TBC1D5: variants seen among roughly 807,000 people sequenced by gnomAD.
TBC1D5 encodes TBC1 domain family, member 5.
TBC1D5 carries 75 observed loss-of-function variants against 100.3 expected under a neutral mutation model. The observed-to-expected ratio is 0.75, with a 90% CI of 0.62 to 0.91. TBC1D5 has a LOEUF of 0.91. Among genes scored for constraint, TBC1D5 ranks in the 40% least tolerant of loss-of-function variants. The probability of loss-of-function intolerance (pLI) is 0.00; values close to 1 mark genes in which losing one functional copy is unlikely to be tolerated. For synonymous variants in TBC1D5, 323 were observed against 325.6 expected (o/e 0.99, Z 0.09); for missense variants, 910 against 942.4 (o/e 0.97, Z 0.45).
intron 17 of TBC1D5, among the ~76,000 whole-genome samples, chr3:17,225,419 A>G (rs1421968503): frequency 6.8e-6 from 1 of 146,380 alleles, no homozygotes; most frequent in Non-Finnish European, 1.5e-5. Context: ...AGTCTGGGCG[A>G]TAAGAGTGAG....
intron 15 of TBC1D5, among the ~76,000 whole-genome samples, chr3:17,261,845 GTTTT>G (rs34656348): frequency 2.8e-5 from 4 of 143,320 alleles, no homozygotes; most frequent in Non-Finnish European, 3.1e-5. Flanking sequence ...TCTTAAAGGA[GTTTT>G]TTTTTTTTTT....
chr3:17,718,818 T>C (rs1053916212), intron 1 of TBC1D5, among the ~76,000 whole-genome samples: 1 of 152,062 alleles, frequency 6.6e-6, no homozygotes, highest in Admixed American at 6.5e-5. Context: ...TTAATAAATA[T>C]ATACAAAATA....
In TBC1D5 at chr3:17,508,339, A is replaced by C. The variant is rs970436172; in HGVS notation, c.97+135T>G. The C allele has an allele frequency of 4.7e-6, 3 of 641,830 alleles. No individual in the cohort carries two copies. In the African/African-American group the frequency reaches 5.4e-5, roughly 12 times the overall value. The allele number at this position is 641,830 out of a possible 1,614,324, so 39.8% of individuals were successfully genotyped here. Reference sequence around the variant, plus strand: ...CAAGAGTGCTCTGTACATATCCAGAATAACATACTTAACACTGGCCTGCTC... The same window carrying C: ...CAAGAGTGCTCTGTACATATCCAGACTAACATACTTAACACTGGCCTGCTC... On this transcript the variant is annotated intron_variant, in intron 3 of 21. Transcript: ENST00000253692.
chr3:17,483,436 ATTACT>A (rs2095523600), intron 3 of TBC1D5, among the ~76,000 whole-genome samples: 1 of 152,162 alleles, frequency 6.6e-6, no homozygotes, highest in African/African-American at 2.4e-5. Context: ...GCTCAAATCA[ATTACT>A]TTTTAGGGGT....
Position 17,308,146 on chromosome 3 carries a change from C to A in TBC1D5, c.996-12G>T. ...GCCGCACCCACCTTCTGGAAAGAAA[C>A]AAAACAAAAATTCAGAAGACAGTAC... On this transcript the variant is annotated splice_polypyrimidine_tract_variant and intron_variant, in intron 13 of 21. Transcript: ENST00000253692. 1 of 1,561,248 alleles carries A rather than the reference C, an allele frequency of 6.4e-7. No homozygotes were observed. The highest frequency in any genetic ancestry group is 8.6e-7 in the Non-Finnish European group (1 of 1,164,590).
chr3:17,616,450 C>T (rs1577041088), intron 2 of TBC1D5, among the ~76,000 whole-genome samples: 3 of 151,792 alleles, frequency 2.0e-5, no homozygotes, highest in African/African-American at 7.3e-5. Context: ...CTTTGTTAAC[C>T]TTCTGTCTCG....
chr3:17,184,407 G>A (rs1031784110), intron 19 of TBC1D5, among the ~76,000 whole-genome samples: 1 of 152,182 alleles, frequency 6.6e-6, no homozygotes, highest in Non-Finnish European at 1.5e-5. Context: ...CAGCAATATA[G>A]CTGATTATTT....
chr3:17,222,984 A>G (rs1232470765), intron 17 of TBC1D5, among the ~76,000 whole-genome samples: 1 of 152,066 alleles, frequency 6.6e-6, no homozygotes, highest in Non-Finnish European at 1.5e-5. Flanking sequence ...GAAAAAAACC[A>G]TCGTAAGCAG....
At chr3:17,652,967 C>T (rs938460582) in intron 1 of TBC1D5, among the ~76,000 whole-genome samples, 2 of 152,102 alleles carry the variant, frequency 1.3e-5, no homozygotes, top group African/African-American at 4.8e-5. Flanking sequence ...TATTGTTCAG[C>T]CATAAGAAGA....
chr3:17,274,139 G>A (rs538099560), intron 15 of TBC1D5, among the ~76,000 whole-genome samples: 93 of 151,748 alleles, frequency 6.1e-4, no homozygotes, highest in South Asian at 5.0e-3. Flanking sequence ...AAAATAATAC[G>A]AACTTTAATT....
chr3:17,737,825 C>A (rs78644364), intron 1 of TBC1D5, among the ~76,000 whole-genome samples: 89 of 144,130 alleles, frequency 6.2e-4, no homozygotes, highest in Middle Eastern at 3.6e-3. Context: ...TATTTTGTTT[C>A]AAAAAAAAAA....
intron 4 of TBC1D5, among the ~76,000 whole-genome samples, chr3:17,417,585 C>T (rs1386536315): frequency 6.6e-6 from 1 of 152,156 alleles, no homozygotes; most frequent in Non-Finnish European, 1.5e-5. Flanking sequence ...TTAATCCAGT[C>T]TATCACTGTT....
At chr3:17,284,079 CTCAT>C (rs1217599030) in intron 15 of TBC1D5, among the ~76,000 whole-genome samples, 3 of 143,778 alleles carry the variant, frequency 2.1e-5, no homozygotes, top group Non-Finnish European at 4.5e-5. Flanking sequence ...TCTACCCTCA[CTCAT>C]TATTTTACAC....
chr3:17,444,273 T>C (rs927934445), intron 3 of TBC1D5, among the ~76,000 whole-genome samples: 1 of 151,986 alleles, frequency 6.6e-6, no homozygotes, highest in Non-Finnish European at 1.5e-5. Context: ...AAAAGAAAAG[T>C]AGACAGCAAA....
At chr3:17,317,962 G>T (rs1292378809) in intron 13 of TBC1D5, among the ~76,000 whole-genome samples, 1 of 151,924 alleles carries the variant, frequency 6.6e-6, no homozygotes, top group Non-Finnish European at 1.5e-5. Flanking sequence ...CAATAGCAAA[G>T]ACTTGGAACC....
chr3:17,489,167 C>G (rs1011683747), intron 3 of TBC1D5, among the ~76,000 whole-genome samples: 1 of 151,708 alleles, frequency 6.6e-6, no homozygotes, highest in Non-Finnish European at 1.5e-5. Flanking sequence ...AAGGGTCAAA[C>G]AAGAATGTTT....
intron 3 of TBC1D5, among the ~76,000 whole-genome samples, chr3:17,492,146 C>T (rs1198023844): frequency 6.6e-6 from 1 of 152,070 alleles, no homozygotes; most frequent in Non-Finnish European, 1.5e-5. Flanking sequence ...GTCATATCCC[C>T]TTTATCATTT....
chr3:17,605,665 T>C (rs887105047), intron 2 of TBC1D5, among the ~76,000 whole-genome samples: 2 of 152,214 alleles, frequency 1.3e-5, no homozygotes, highest in Non-Finnish European at 2.9e-5. Flanking sequence ...TCTACTTCTA[T>C]GATTAAAGAT....
intron 8 of TBC1D5, among the ~76,000 whole-genome samples, chr3:17,390,427 G>A (rs2093317964): frequency 6.6e-6 from 1 of 152,098 alleles, no homozygotes; most frequent in Non-Finnish European, 1.5e-5. Context: ...AAAGGGTTTT[G>A]TCACCACATT....
Sources: allele counts gnomAD v4.1 joint callset (sites outside exome capture counted in the v4.1 genomes callset), GRCh38; gene constraint gnomAD v4.1.1; transcripts MANE v1.5; gene names NCBI Gene and HGNC (gene_info 2026-07-23, HGNC 2026-07-21).